Variants in COL22A1 observed in about 807,000 individuals in gnomAD.
The protein encoded by COL22A1 is collagen type XXII alpha 1 chain, also known as collagen alpha-1(XXII) chain.
In COL22A1, 221 loss-of-function variants were observed where a neutral mutation model predicts 248.9. The ratio of observed to expected loss-of-function variants is 0.89; its 90% CI spans 0.80 to 0.99. The LOEUF (loss-of-function observed/expected upper bound fraction) is 0.99, where lower values mean the gene tolerates loss of function less well. COL22A1 is among the 50% of genes least tolerant of loss of function. The pLI is 0.00. For missense variants in COL22A1, 2,240 were observed against 2,179.0 expected (o/e 1.03, Z -0.56); for synonymous variants, 891 against 793.4 (o/e 1.12, Z -2.07).
chr8:138,714,197 C>A (rs1829250663), intron 30 of COL22A1, among the ~76,000 whole-genome samples: 1 of 152,186 alleles, frequency 6.6e-6, no homozygotes. Flanking sequence ...CTGGGCTGGC[C>A]ATGCAGTCCC....
intron 1 of COL22A1, among the ~76,000 whole-genome samples, chr8:138,902,684 C>T (rs948822558): frequency 7.6e-5 from 11 of 145,656 alleles, no homozygotes; most frequent in African/African-American, 1.0e-4. Flanking sequence ...CCAGCCTGGG[C>T]GACAGAGCAA....
rs746122108 is a variant in COL22A1, at chr8:138,889,965, T to C, written c.-72-6721A>G. 5.3e-5 allele frequency among the ~76,000 whole-genome samples: 8 copies of C among 152,238 alleles called. No individual in the cohort carries two copies. In the South Asian group the frequency reaches 1.2e-3, roughly 24 times the overall value. ...TAAAGACCAATATCCTTTATAAACA[T>C]AGATGCAAAAATATTTACAAAAAGA... On this transcript the variant is annotated intron_variant, in intron 1 of 64. Coordinates refer to ENST00000303045, the MANE Select transcript of COL22A1 (RefSeq NM_152888.3).
At chr8:138,844,223 A>G in intron 3 of COL22A1, 65 bp from the exon 4 acceptor site, 1 of 1,471,478 alleles carries the variant, frequency 6.8e-7, no homozygotes, top group Non-Finnish European at 9.5e-7. Context: ...CCTGTGAAAT[A>G]TGACAGCACA....
intron 30 of COL22A1, among the ~76,000 whole-genome samples, chr8:138,703,796 C>T (rs1386954308): frequency 1.3e-5 from 2 of 152,048 alleles, no homozygotes; most frequent in African/African-American, 2.4e-5. Flanking sequence ...TGTGTGCAGC[C>T]CACGGAGTGT....
chr8:138,737,650 C>A, intron 22 of COL22A1, 73 bp from the exon 23 acceptor site: 2 of 997,940 alleles, frequency 2.0e-6, no homozygotes, highest in South Asian at 2.6e-5. Flanking sequence ...TAATGAGTCT[C>A]GGTGGACATT....
intron 1 of COL22A1, among the ~76,000 whole-genome samples, chr8:138,891,782 G>C (rs1393882764): frequency 6.6e-6 from 1 of 152,146 alleles, no homozygotes; most frequent in Non-Finnish European, 1.5e-5. Context: ...AAAAAGCAAA[G>C]GATATAGTCA....
At chr8:138,912,269 C>T (rs911547696) in intron 1 of COL22A1, among the ~76,000 whole-genome samples, 6 of 152,212 alleles carry the variant, frequency 3.9e-5, no homozygotes, top group Admixed American at 6.5e-5. Context: ...AGCTGGGCAG[C>T]GTACCCCATG....
chr8:138,615,217 T>A (rs919770215), intron 55 of COL22A1, among the ~76,000 whole-genome samples: 1 of 152,202 alleles, frequency 6.6e-6, no homozygotes, highest in African/African-American at 2.4e-5. Context: ...ATTTTTCATT[T>A]GTACACCTGG....
intron 21 of COL22A1, among the ~76,000 whole-genome samples, chr8:138,752,166 A>C (rs999516628): frequency 1.3e-5 from 2 of 152,164 alleles, no homozygotes; most frequent in Admixed American, 1.3e-4. Context: ...ATGGGTTCTA[A>C]AGCTGGGGCA....
chr8:138,814,770 G>C (rs368987842), intron 7 of COL22A1, among the ~76,000 whole-genome samples: 32 of 152,248 alleles, frequency 2.1e-4, no homozygotes, highest in African/African-American at 7.7e-4. Flanking sequence ...GTACATGTTT[G>C]TTGTTTTAAT....
intron 30 of COL22A1, among the ~76,000 whole-genome samples, chr8:138,710,725 T>C (rs1189847262): frequency 3.3e-5 from 5 of 152,134 alleles, no homozygotes; most frequent in African/African-American, 1.2e-4. Context: ...TCAGAATGCA[T>C]GCCCTTTACA....
chr8:138,731,675 G>C (rs1830720439), intron 23 of COL22A1, among the ~76,000 whole-genome samples: 1 of 152,012 alleles, frequency 6.6e-6, no homozygotes, highest in South Asian at 2.1e-4. Context: ...TGAGTTCTGG[G>C]GGTAACTGTG....
rs1300497602 is a variant in COL22A1, at chr8:138,649,651, C to T, written c.3447+14G>A. On this transcript the variant is annotated intron_variant, in intron 46 of 64. Transcript: ENST00000303045. ...TTGTAATGATAAAAATCGAGTTTCC[C>T]CTTTTCTCCTTACCTTTTTCCCTTC... 1.7e-5 allele frequency: 28 copies of T among 1,608,452 alleles called. No homozygotes were observed. The highest frequency in any genetic ancestry group is 2.3e-5 in the Non-Finnish European group (27 of 1,177,204).
chr8:138,886,021 C>T (rs1248955042), intron 1 of COL22A1, among the ~76,000 whole-genome samples: 1 of 152,178 alleles, frequency 6.6e-6, no homozygotes, highest in Non-Finnish European at 1.5e-5. Context: ...TGCCCACAGA[C>T]TCCCATCTCT....
In COL22A1 at chr8:138,591,447, T is replaced by C. The variant is rs367845158; in HGVS notation, c.4670A>G (p.Glu1557Gly). The stretch of plus-strand genomic sequence containing the variant: ...ACCTGGGATTCCAGGGGGTCCCATC[T>C]CGCCTCGGAGGCCAACTCCAGGTGC... ...PGAPGVGLRG[E>G]MGPPGIPGQP... is the part of the protein sequence containing the mutation. Residue 1557 changes from glutamate to glycine, a missense_variant, in exon 64 of 65, where the codon GAG (glutamate) becomes GGG (glycine). Glu to Gly is a moderately conservative substitution (Grantham distance 98). Transcript: ENST00000303045. The C allele has an allele frequency of 4.2e-5, 66 of 1,581,732 alleles. No homozygotes were observed. In the South Asian group the frequency reaches 7.0e-4, roughly 17 times the overall value.
chr8:138,892,738 G>T (rs1274504807), intron 1 of COL22A1, among the ~76,000 whole-genome samples: 1 of 152,220 alleles, frequency 6.6e-6, no homozygotes, highest in Non-Finnish European at 1.5e-5. Context: ...CAGAGGAGGG[G>T]GGAGGAAGAA....
intron 45 of COL22A1, among the ~76,000 whole-genome samples, chr8:138,652,909 A>C: frequency 6.6e-6 from 1 of 151,232 alleles, no homozygotes. Context: ...ACCACGTCTG[A>C]CTAATTTTTG....
chr8:138,679,743 C>T, intron 39 of COL22A1, 67 bp from the exon 40 acceptor site: 1 of 1,438,846 alleles, frequency 7.0e-7, no homozygotes, highest in Admixed American at 1.7e-5. Flanking sequence ...TAAAATAATT[C>T]AGCCCCTCTG....
Position 138,844,227 on chromosome 8 carries a change from C to T in COL22A1, c.659-69G>A, listed in dbSNP as rs145954669. 1,421 of 1,452,810 alleles carry T rather than the reference C, an allele frequency of 9.8e-4. 28 individuals carry two copies. The East Asian group carries it at 0.031, about 32-fold the overall frequency. The allele number at this position is 1,452,810 out of a possible 1,614,324, so 90.0% of individuals were successfully genotyped here. A position where few individuals can be genotyped will look rare whatever the true frequency, so the allele number is the denominator to read the frequency against. On this transcript the variant is annotated intron_variant, in intron 3 of 64. Transcript: ENST00000303045. ...CCCATCGTCACCCTGTGAAATATGA[C>T]AGCACACAAGACCCCACCCTGCCTT...
Sources: gnomAD v4.1 joint callset for allele counts (sites outside exome capture counted in the v4.1 genomes callset) on GRCh38, gnomAD v4.1.1 for gene constraint, MANE v1.5 for transcripts, NCBI Gene and HGNC (gene_info 2026-07-23, HGNC 2026-07-21) for gene names.